Variants in PLEKHG1 observed in about 807,000 individuals in gnomAD.
PLEKHG1 encodes the protein pleckstrin homology domain-containing family G member 1.
A neutral mutation model predicts 100.8 loss-of-function variants in PLEKHG1; 44 were observed. The ratio of observed to expected loss-of-function variants is 0.44; its 90% CI spans 0.34 to 0.56. PLEKHG1 has a LOEUF of 0.56. PLEKHG1 is among the 20% of genes least tolerant of loss of function. The pLI is 0.01. For synonymous variants in PLEKHG1, 640 were observed against 662.5 expected, an observed-to-expected ratio of 0.97 and a Z score of 0.52; for missense variants, 1,545 against 1,720.9, an observed-to-expected ratio of 0.90 and a Z score of 1.81.
rs200133661 is a variant in PLEKHG1, at chr6:150,809,422, G to T, written c.1137G>T (p.Pro379=). The T allele has an allele frequency of 1.2e-5, 19 of 1,613,702 alleles. No individual in the cohort carries two copies. In the Admixed American group the frequency reaches 3.0e-4, roughly 25 times the overall value. Residue 379 remains proline (P), a synonymous_variant, in exon 9 of 16, where the codon CCG becomes CCT. Transcript: ENST00000358517. Reference sequence around the variant, plus strand: ...TTGTGGAGGTGATTCCAAAAGAGCCGCTCAGCTTCAGCGTCTTCCACTACA... The same window carrying T: ...TTGTGGAGGTGATTCCAAAAGAGCCTCTCAGCTTCAGCGTCTTCCACTACA...
chr6:150,768,043 G>C (rs1784530098), intron 2 of PLEKHG1, among the ~76,000 whole-genome samples: 1 of 152,182 alleles, frequency 6.6e-6, no homozygotes, highest in African/African-American at 2.4e-5. Flanking sequence ...ATCCACAGCA[G>C]ATCTGTTTGG....
exon 16 of PLEKHG1, chr6:150,840,531 A>T (rs1156745756): frequency 6.2e-7 from 1 of 1,614,206 alleles, no homozygotes; most frequent in Non-Finnish European, 8.5e-7. Flanking sequence ...TGCAACACAG[A>T]ATTATTTTTC....
At chr6:150,638,884 C>G (rs1209657781) in intron 2 of PLEKHG1, among the ~76,000 whole-genome samples, 1 of 152,136 alleles carries the variant, frequency 6.6e-6, no homozygotes, top group African/African-American at 2.4e-5. Flanking sequence ...TGTGGTTTGG[C>G]TTCAGTAAAT....
At chr6:150,771,705 GC>G (rs1031528179) in intron 3 of PLEKHG1, among the ~76,000 whole-genome samples, 1 of 151,900 alleles carries the variant, frequency 6.6e-6, no homozygotes, top group Non-Finnish European at 1.5e-5. Flanking sequence ...TGTGGTTGGG[GC>G]TTGAAATAAT....
At chr6:150,823,259 A>G (rs1165678161) in intron 13 of PLEKHG1, among the ~76,000 whole-genome samples, 1 of 152,240 alleles carries the variant, frequency 6.6e-6, no homozygotes, top group African/African-American at 2.4e-5. Context: ...TGCATCTTTC[A>G]GTTAAAACCA....
intron 13 of PLEKHG1, among the ~76,000 whole-genome samples, 197 bp from the exon 15 acceptor site, chr6:150,823,457 G>T (rs1391450461): frequency 6.6e-6 from 1 of 152,162 alleles, no homozygotes; most frequent in African/African-American, 2.4e-5. Flanking sequence ...TGCATGTAAG[G>T]TTGTTTGATG....
At chr6:150,765,445 G>C (rs1261587789) in intron 2 of PLEKHG1, among the ~76,000 whole-genome samples, 1 of 151,098 alleles carries the variant, frequency 6.6e-6, no homozygotes, top group South Asian at 2.1e-4. Flanking sequence ...AGTGAGCCGA[G>C]ATTGTGCCAC....
chr6:150,827,382 G>A (rs150914732), intron 14 of PLEKHG1, among the ~76,000 whole-genome samples: 3,178 of 151,540 alleles, frequency 0.021, 39 homozygotes, highest in South Asian at 0.032. Context: ...GGTTCAAGCG[G>A]TTCTCCTGCC....
chr6:150,761,406 C>T (rs1784155064), intron 2 of PLEKHG1, among the ~76,000 whole-genome samples: 1 of 152,172 alleles, frequency 6.6e-6, no homozygotes, highest in Non-Finnish European at 1.5e-5. Context: ...CTCCCAGGTT[C>T]AAGCGATTGT....
chr6:150,682,559 T>G (rs1779971460), intron 3 of PLEKHG1, among the ~76,000 whole-genome samples: 1 of 151,896 alleles, frequency 6.6e-6, no homozygotes, highest in Non-Finnish European at 1.5e-5. Context: ...GAGACTAAAC[T>G]CTCACCTTTA....
At chr6:150,721,568 A>G (rs540649634) in intron 1 of PLEKHG1, among the ~76,000 whole-genome samples, 5 of 152,322 alleles carry the variant, frequency 3.3e-5, no homozygotes, top group Admixed American at 2.0e-4. Flanking sequence ...CGAATGCCCA[A>G]CATTTTCATA....
intron 2 of PLEKHG1, among the ~76,000 whole-genome samples, chr6:150,736,960 G>T (rs569023185): frequency 6.6e-6 from 1 of 152,110 alleles, no homozygotes; most frequent in Non-Finnish European, 1.5e-5. Flanking sequence ...GGAAAGAAGC[G>T]TGCCTGGGGA....
At position 150,689,303 on chromosome 6, in the gene PLEKHG1, G is replaced by A. The variant is rs565550729; in HGVS notation, c.-99+38517G>A. Among the ~76,000 whole-genome samples the A allele has an allele frequency of 6.6e-5, 10 of 151,992 alleles. No homozygotes were observed. The East Asian group carries it at 1.9e-3, about 29-fold the overall frequency. ...TTTAGTACACTTGAATTTCCAACCT[G>A]GTCATGAAATCCTTTAAGTATTTTT... On this transcript the variant is annotated intron_variant, in intron 3 of 3. Coordinates refer to the PLEKHG1 transcript ENST00000367326.
At chr6:150,742,421 C>T (rs369672675) in intron 2 of PLEKHG1, among the ~76,000 whole-genome samples, 2 of 151,964 alleles carry the variant, frequency 1.3e-5, no homozygotes, top group African/African-American at 2.4e-5. Flanking sequence ...AAAAATTAGC[C>T]GAGTGTGGTG....
At chr6:150,716,534 C>T (rs1781453263), upstream of PLEKHG1, among the ~76,000 whole-genome samples, 1 of 152,200 alleles carries the variant, frequency 6.6e-6, no homozygotes, top group Non-Finnish European at 1.5e-5. Context: ...CTTCCTTGCC[C>T]AGCTTTTTGA....
At chr6:150,722,429 C>A (rs1374034644) in intron 1 of PLEKHG1, among the ~76,000 whole-genome samples, 1 of 143,468 alleles carries the variant, frequency 7.0e-6, no homozygotes, top group Non-Finnish European at 1.5e-5. Context: ...TCTTGGCTCA[C>A]TGCAACCTCC....
intron 7 of PLEKHG1, among the ~76,000 whole-genome samples, chr6:150,806,002 C>T (rs1268841408): frequency 6.6e-6 from 1 of 152,156 alleles, no homozygotes; most frequent in Non-Finnish European, 1.5e-5. Context: ...GGCCCAGAGG[C>T]CAGTTCCAGG....
At chr6:150,661,748 A>G (rs1779202645) in intron 3 of PLEKHG1, among the ~76,000 whole-genome samples, 1 of 152,236 alleles carries the variant, frequency 6.6e-6, no homozygotes, top group African/African-American at 2.4e-5. Flanking sequence ...GTGAAACTAT[A>G]GTGATATGGA....
rs114417102 is a variant in PLEKHG1 at position 150,620,771 on chromosome 6, G to A, written c.-203-17309G>A. ...ATTTGGGATATAAGGGAGACAGAAC[G>A]GAGGCTCTGCCCTCGTGGGGTTTGC... On this transcript the variant is annotated intron_variant, in intron 1 of 3. Transcript: ENST00000367326. Among the ~76,000 whole-genome samples the A allele has an allele frequency of 3.5e-3, 540 of 152,272 alleles. 4 individuals are homozygous for A. Among genetic ancestry groups the A allele is most frequent in the African/African-American group, 0.012 (514 of 41,558 alleles).
Sources: gnomAD v4.1 joint callset for allele counts (sites outside exome capture counted in the v4.1 genomes callset) on GRCh38, gnomAD v4.1.1 for gene constraint, MANE v1.5 for transcripts, NCBI Gene and HGNC (gene_info 2026-07-23, HGNC 2026-07-21) for gene names.